Variants in SUPT20H observed in about 807,000 individuals in gnomAD.
SUPT20H encodes the protein SPT20 homolog, SAGA complex component.
Under a neutral mutation model 122.8 loss-of-function variants are expected in SUPT20H, and 82 were observed. The ratio of observed to expected loss-of-function variants is 0.67; its 90% CI spans 0.56 to 0.80. SUPT20H has a LOEUF of 0.80. Ranked by LOEUF, SUPT20H falls within the 30% of genes least tolerant of loss-of-function variation. The pLI, the probability that SUPT20H is intolerant of heterozygous loss-of-function variation, is 0.00. For missense variants in SUPT20H, 831 were observed against 921.6 expected (o/e 0.90, Z 1.27); for synonymous variants, 291 against 313.0 (o/e 0.93, Z 0.74).
intron 13 of SUPT20H, among the ~76,000 whole-genome samples, chr13:37,028,993 T>C (rs2062808803): frequency 6.6e-6 from 1 of 151,764 alleles, no homozygotes; most frequent in Admixed American, 6.6e-5. Flanking sequence ...GATCTATTTA[T>C]CATTTGTCTG....
chr13:37,027,608 TA>T (rs558309867), intron 14 of SUPT20H, among the ~76,000 whole-genome samples: 11 of 152,242 alleles, frequency 7.2e-5, no homozygotes, highest in Admixed American at 1.3e-4. Context: ...TCAATTTGAT[TA>T]AAAAAACCAA....
At chr13:37,010,030 T>C (rs1349871701) in intron 25 of SUPT20H, among the ~76,000 whole-genome samples, 2 of 152,238 alleles carry the variant, frequency 1.3e-5, no homozygotes, top group African/African-American at 2.4e-5. Flanking sequence ...TTCAAAATTA[T>C]TTGTTACTTT....
chr13:37,026,846 G>T (rs1314595904), intron 14 of SUPT20H, 30 bp from the exon 15 acceptor site: 2 of 1,391,496 alleles, frequency 1.4e-6, no homozygotes, highest in Middle Eastern at 1.9e-4. Context: ...AAAAAGCTTA[G>T]TTAATGCAGC....
At chr13:37,051,433 T>C in intron 2 of SUPT20H, 55 bp downstream of exon 2, 1 of 1,543,612 alleles carries the variant, frequency 6.5e-7, no homozygotes, top group Non-Finnish European at 8.9e-7. Context: ...TTTATGAAGA[T>C]GAAGGAAGAG....
Position 37,010,600 on chromosome 13 carries a change from C to G in SUPT20H, c.2154G>C (p.Gln718His). The change falls in exon 25 of 26, where the codon CAG becomes CAC. Residue 718 changes from glutamine to histidine, a missense_variant. Transcript: ENST00000350612. ...GAAAGGCAGAGGAGAGCTGGAATCT[C>G]TGCTGAGGAAGGCTTTGCTCAGGTC... ...ENRPEQSLPQ[Q>H]RFQLSSAFQQ... 6.2e-7 allele frequency: 1 copy of G among 1,613,924 alleles called. No homozygotes were observed. Among genetic ancestry groups the G allele is most frequent in the Non-Finnish European group, 8.5e-7 (1 of 1,179,922 alleles).
chr13:37,048,509 G>A, intron 3 of SUPT20H, 55 bp downstream of exon 3: 1 of 1,489,506 alleles, frequency 6.7e-7, no homozygotes, highest in Non-Finnish European at 9.0e-7. Flanking sequence ...TTAAAACTGA[G>A]CTTTTGTCAA....
Position 37,028,172 on chromosome 13 carries a change from C to T in SUPT20H, c.1127G>A (p.Ser376Asn), listed in dbSNP as rs1010295214. Residue 376 changes from serine to asparagine, a missense_variant, in exon 14 of 26, where the codon AGT (serine) becomes AAT (asparagine). Transcript: ENST00000350612. ...CTGTGATGGAGACATCTGGCTGTCA[C>T]TTTCTTCATCTGCTTTACATGGCTG... The part of the protein sequence containing the change: ...KIQPCKADEE[S>N]DSQMSPSHSS... 5 of 1,608,208 alleles carry T rather than the reference C, an allele frequency of 3.1e-6. No homozygotes were observed. In the African/African-American group the frequency reaches 6.7e-5, roughly 22 times the overall value.
At chr13:37,037,204 A>AG (rs1176118806) in intron 9 of SUPT20H, among the ~76,000 whole-genome samples, 1 of 151,850 alleles carries the variant, frequency 6.6e-6, no homozygotes, top group Non-Finnish European at 1.5e-5. Context: ...CAAAAAAAAA[A>AG]AAAAAAAATC....
At chr13:37,019,250 G>A in intron 22 of SUPT20H, 92 bp downstream of exon 22, 1 of 914,268 alleles carries the variant, frequency 1.1e-6, no homozygotes, top group East Asian at 2.7e-5. Context: ...ACAGACCTCA[G>A]AATTTCAAGT....
chr13:37,048,644 C>CA (rs760598285), intron 2 of SUPT20H, 45 bp from the exon 3 acceptor site: 17 of 1,524,078 alleles, frequency 1.1e-5, no homozygotes, highest in East Asian at 2.3e-5. Flanking sequence ...GTTATTTCCA[C>CA]AAAAAAATTT....
At chr13:37,031,523 T>G in intron 12 of SUPT20H, 44 bp downstream of exon 12, 1 of 1,363,900 alleles carries the variant, frequency 7.3e-7, no homozygotes, top group African/African-American at 1.5e-5. Flanking sequence ...ATAGTAAAAC[T>G]GAGAAACTTT....
Position 37,044,127 on chromosome 13 carries a change from T to C in SUPT20H, c.347A>G (p.Asp116Gly). 6.2e-7 allele frequency: 1 copy of C among 1,613,124 alleles called. No individual in the cohort carries two copies. The highest frequency in any genetic ancestry group is 1.3e-5 in the African/African-American group (1 of 74,966). ...YEEGELLEYL[D>G]AEELPPILVD... Reference sequence around the variant, plus strand: ...CAAAATAGGAGGTAATTCTTCTGCATCCAAATATTCAAGCAACTCTCCTTC... The same window carrying C: ...CAAAATAGGAGGTAATTCTTCTGCACCCAAATATTCAAGCAACTCTCCTTC... Residue 116 changes from aspartate (D) to glycine (G), a missense_variant, in exon 7 of 26, where the codon GAT becomes GGT. Physicochemically the swap from Asp to Gly is moderately conservative, Grantham distance 94. Transcript: ENST00000350612.
At position 37,009,592 on chromosome 13, in the gene SUPT20H, AAAAAC is replaced by A. The variant is rs746928009; in HGVS notation, c.*75_*79del. On this transcript the variant is annotated 3_prime_UTR_variant, in exon 26 of 26. Coordinates refer to ENST00000350612, the MANE Select transcript of SUPT20H (RefSeq NM_001014286.3). ...CAATGTAAAATACTGACACATTAAA[AAAAAC>A]AAAAAGTAGAAACTCAATTCTTTTG... The A allele has an allele frequency of 7.8e-5, 123 of 1,568,430 alleles. No individual in the cohort carries two copies. The highest frequency in any genetic ancestry group is 1.0e-4 in the Non-Finnish European group (116 of 1,140,204).
At chr13:37,014,373 T>G (rs2060087703) in intron 23 of SUPT20H, among the ~76,000 whole-genome samples, 1 of 152,110 alleles carries the variant, frequency 6.6e-6, no homozygotes, top group Non-Finnish European at 1.5e-5. Flanking sequence ...AAGACCTGAA[T>G]GATGCCATCA....
chr13:37,044,169 A>C lies in SUPT20H; in HGVS notation c.305T>G (p.Ile102Ser). Residue 102 changes from isoleucine (I) to serine (S), a missense_variant, in exon 7 of 26, where the codon ATT becomes AGT. By Grantham distance (142) the Ile-to-Ser change is moderately radical (BLOSUM62 -2). Transcript: ENST00000350612. ...RGKNGSDSET[I>S]RLPYEEGELL... The stretch of plus-strand genomic sequence containing the variant: ...CTCTCCTTCTTCATAGGGCAGTCGA[A>C]TGGTCTCGGAATCTTAATTTAAAAC... The C allele has an allele frequency of 6.2e-7, 1 of 1,610,282 alleles. No individual in the cohort carries two copies. Among genetic ancestry groups the C allele is most frequent in the Non-Finnish European group, 8.5e-7 (1 of 1,178,124 alleles).
chr13:37,019,709 T>C (rs1291313301), intron 21 of SUPT20H, among the ~76,000 whole-genome samples: 1 of 152,206 alleles, frequency 6.6e-6, no homozygotes, highest in Non-Finnish European at 1.5e-5. Context: ...ACCATGAATA[T>C]AACAAAACTA....
chr13:37,058,796 T>A (rs1384479666), intron 1 of SUPT20H, among the ~76,000 whole-genome samples: 1 of 152,128 alleles, frequency 6.6e-6, no homozygotes, highest in East Asian at 1.9e-4. Flanking sequence ...TTACATTTCT[T>A]TAAAAAAAGC....
At chr13:37,046,514 G>A (rs2066465974) in intron 5 of SUPT20H, among the ~76,000 whole-genome samples, 1 of 152,156 alleles carries the variant, frequency 6.6e-6, no homozygotes, top group Admixed American at 6.5e-5. Context: ...TGTGAGGCAG[G>A]CCTAGACAAC....
rs1241123633 is a variant in SUPT20H, at chr13:37,033,473, T to C, written c.683A>G (p.Lys228Arg). The C allele has an allele frequency of 6.2e-7, 1 of 1,611,960 alleles. No individual in the cohort carries two copies. Among genetic ancestry groups the C allele is most frequent in the Non-Finnish European group, 8.5e-7 (1 of 1,179,078 alleles). ...CCGTTTCATTGGGCGAGTGTTCATCTTTTGCTTGTTATAGAGCAGTCTGTT... is the reference window on the plus strand; with the variant it reads ...CCGTTTCATTGGGCGAGTGTTCATCCTTTGCTTGTTATAGAGCAGTCTGTT... The part of the protein sequence containing the change: ...TANRLLYNKQ[K>R]MNTRPMKRCF... The change falls in exon 10 of 26, where the codon AAG becomes AGG. Residue 228 changes from lysine (K) to arginine (R), a missense_variant. Physicochemically the swap from Lys to Arg is conservative, Grantham distance 26 (BLOSUM62 2). Coordinates refer to ENST00000350612, the MANE Select transcript of SUPT20H (RefSeq NM_001014286.3).
Sources: allele counts gnomAD v4.1 joint callset (sites outside exome capture counted in the v4.1 genomes callset), GRCh38; gene constraint gnomAD v4.1.1; transcripts MANE v1.5; gene names NCBI Gene and HGNC (gene_info 2026-07-23, HGNC 2026-07-21).